NRG3: variants seen among roughly 807,000 people sequenced by gnomAD.
NRG3 encodes pro-neuregulin-3, membrane-bound isoform.
NRG3 carries 31 observed loss-of-function variants against 66.9 expected under a neutral mutation model. The ratio of observed to expected loss-of-function variants is 0.46; its 90% confidence interval spans 0.35 to 0.63. NRG3 has a LOEUF of 0.63. Ranked by LOEUF, NRG3 falls within the 20% of genes least tolerant of loss-of-function variation. NRG3 has a pLI of 0.00. For missense variants in NRG3, 910 were observed against 878.9 expected, an observed-to-expected ratio of 1.04 and a Z score of -0.45; for synonymous variants, 393 against 359.4, an observed-to-expected ratio of 1.09 and a Z score of -1.06.
chr10:81,978,872 G>C (rs1396981024), intron 1 of NRG3, among the ~76,000 whole-genome samples: 1 of 151,948 alleles, frequency 6.6e-6, no homozygotes, highest in Non-Finnish European at 1.5e-5. Context: ...CTTATGTTTT[G>C]TAGCATCTAG....
At chr10:82,431,953 C>T (rs2089836520) in intron 2 of NRG3, among the ~76,000 whole-genome samples, 1 of 152,140 alleles carries the variant, frequency 6.6e-6, no homozygotes, top group African/African-American at 2.4e-5. Context: ...TCTTTAATCA[C>T]TCTCATAATT....
intron 2 of NRG3, among the ~76,000 whole-genome samples, chr10:82,363,771 T>G (rs1702248878): frequency 6.6e-6 from 1 of 152,172 alleles, no homozygotes; most frequent in Non-Finnish European, 1.5e-5. Context: ...GACATGCTTG[T>G]GAATATTTAT....
intron 1 of NRG3, among the ~76,000 whole-genome samples, chr10:82,173,678 C>A (rs1353558036): frequency 6.7e-6 from 1 of 148,156 alleles, no homozygotes; most frequent in East Asian, 2.0e-4. Flanking sequence ...TATGTGAACA[C>A]ACACACACAC....
chr10:82,253,920 T>C (rs1188288862), intron 1 of NRG3, among the ~76,000 whole-genome samples: 1 of 152,214 alleles, frequency 6.6e-6, no homozygotes, highest in Non-Finnish European at 1.5e-5. Context: ...TCCAATTCAA[T>C]GTATTTTGCA....
intron 1 of NRG3, among the ~76,000 whole-genome samples, chr10:81,912,784 T>A (rs1845294303): frequency 1.3e-5 from 2 of 152,306 alleles, no homozygotes; most frequent in South Asian, 4.1e-4. Context: ...GGCTCACTCA[T>A]GCATCTGAAA....
In NRG3 at chr10:81,929,930, C is replaced by T. The variant is rs191478695; in HGVS notation, c.823+53767C>T. ...TACTAAATATCCATAAAAGAAACCT[C>T]GGTAATCAGGCCAGGTTTTTGAGTT... On this transcript the variant is annotated intron_variant, in intron 1 of 8. Transcript: ENST00000372141. Among the ~76,000 whole-genome samples the T allele has an allele frequency of 3.3e-5, 5 of 152,230 alleles. No homozygotes were observed. The East Asian group carries it at 7.7e-4, about 24-fold the overall frequency.
intron 2 of NRG3, among the ~76,000 whole-genome samples, chr10:82,613,344 G>C (rs2048427052): frequency 6.6e-6 from 1 of 151,516 alleles, no homozygotes; most frequent in African/African-American, 2.4e-5. Flanking sequence ...TAGGTCATTT[G>C]TTTAGTTATA....
chr10:82,055,011 C>A (rs1176524263), intron 1 of NRG3, among the ~76,000 whole-genome samples: 1 of 148,970 alleles, frequency 6.7e-6, no homozygotes, highest in African/African-American at 2.6e-5. Context: ...GACTCTGTCT[C>A]TCTTAAAACA....
At chr10:82,547,421 ATG>A (rs1442671945) in intron 2 of NRG3, among the ~76,000 whole-genome samples, 2 of 150,878 alleles carry the variant, frequency 1.3e-5, no homozygotes, top group South Asian at 2.1e-4. Context: ...ATACATACAT[ATG>A]TGTGTATATA....
intron 2 of NRG3, among the ~76,000 whole-genome samples, chr10:82,432,564 C>T (rs920526381): frequency 1.3e-5 from 2 of 151,228 alleles, no homozygotes; most frequent in Non-Finnish European, 2.9e-5. Flanking sequence ...TATACCTGTG[C>T]CATGGTGGTT....
At chr10:82,245,766 T>A (rs1437106987) in intron 1 of NRG3, among the ~76,000 whole-genome samples, 2 of 152,210 alleles carry the variant, frequency 1.3e-5, no homozygotes, top group African/African-American at 4.8e-5. Context: ...CACACAGGAA[T>A]TCTCATTTTT....
At chr10:82,172,930 A>G (rs144274420) in intron 1 of NRG3, among the ~76,000 whole-genome samples, 89 of 152,130 alleles carry the variant, frequency 5.9e-4, no homozygotes, top group South Asian at 5.8e-3. Context: ...CTCTCTCTCT[A>G]TTACTTTTAG....
intron 3 of NRG3, among the ~76,000 whole-genome samples, chr10:82,749,830 C>CAAGCAAA (rs2058792737): frequency 1.3e-5 from 2 of 151,602 alleles, no homozygotes; most frequent in Middle Eastern, 3.4e-3. Flanking sequence ...CAAGACTACC[C>CAAGCAAA]GAAGATTAAA....
intron 4 of NRG3, among the ~76,000 whole-genome samples, chr10:82,926,551 T>C (rs1227233477): frequency 7.9e-5 from 12 of 152,244 alleles, no homozygotes; most frequent in African/African-American, 2.7e-4. Context: ...TCCATTTTCC[T>C]TTATATCTCT....
intron 4 of NRG3, among the ~76,000 whole-genome samples, chr10:82,903,698 T>C (rs1277370818): frequency 6.6e-6 from 1 of 152,170 alleles, no homozygotes; most frequent in Non-Finnish European, 1.5e-5. Flanking sequence ...ATTGTAATAA[T>C]ACAATATCTG....
chr10:82,113,335 C>T (rs1474774959), intron 1 of NRG3, among the ~76,000 whole-genome samples: 1 of 152,126 alleles, frequency 6.6e-6, no homozygotes, highest in Non-Finnish European at 1.5e-5. Flanking sequence ...GTCCTATGGT[C>T]CCAGAGCCCC....
At chr10:82,047,367 A>T (rs7904480) in intron 1 of NRG3, among the ~76,000 whole-genome samples, 134,772 of 151,934 alleles carry the variant, frequency 0.89, 60,934 homozygotes, top group South Asian at 0.99. Context: ...CGGGTTACCC[A>T]CAAAGGGAAG....
At chr10:82,826,769 T>A (rs1339285669) in intron 3 of NRG3, among the ~76,000 whole-genome samples, 1 of 151,756 alleles carries the variant, frequency 6.6e-6, no homozygotes, top group Non-Finnish European at 1.5e-5. Flanking sequence ...GGTGGGAGGG[T>A]AGGAGGAGGG....
chr10:82,745,876 A>T (rs1000877078), intron 3 of NRG3, among the ~76,000 whole-genome samples: 7 of 152,034 alleles, frequency 4.6e-5, no homozygotes, highest in Admixed American at 1.3e-4. Flanking sequence ...TGGCATACAT[A>T]TGTATTCATT....
Sources: gnomAD v4.1 joint callset for allele counts (sites outside exome capture counted in the v4.1 genomes callset) on GRCh38, gnomAD v4.1.1 for gene constraint, MANE v1.5 for transcripts, NCBI Gene and HGNC (gene_info 2026-07-23, HGNC 2026-07-21) for gene names.